The following MYO1D variants were observed in gnomAD, a reference collection of about 807,000 sequenced individuals.
MYO1D encodes the protein unconventional myosin-Id.
Under a neutral mutation model 122.0 loss-of-function variants are expected in MYO1D, and 83 were observed. The observed-to-expected ratio is 0.68, with a 90% CI of 0.57 to 0.82. The LOEUF (loss-of-function observed/expected upper bound fraction) is 0.82, where lower values mean the gene tolerates loss of function less well. Ranked by LOEUF, MYO1D falls within the 40% of genes least tolerant of loss-of-function variation. The pLI is 0.00. For synonymous variants in MYO1D, 464 were observed against 446.9 expected (o/e 1.04, Z -0.48); for missense variants, 1,157 against 1,269.5 (o/e 0.91, Z 1.35).
intron 21 of MYO1D, among the ~76,000 whole-genome samples, chr17:32,533,091 C>T (rs1910562314): frequency 6.6e-6 from 1 of 152,176 alleles, no homozygotes; most frequent in Non-Finnish European, 1.5e-5. Flanking sequence ...CTCCTCTACC[C>T]TCTTCTTCCA....
At chr17:32,807,091 AT>A (rs566468403) in intron 1 of MYO1D, among the ~76,000 whole-genome samples, 6 of 152,238 alleles carry the variant, frequency 3.9e-5, no homozygotes, top group Non-Finnish European at 8.8e-5. Context: ...TCAAACTTGA[AT>A]TTATTTTCAT....
intron 14 of MYO1D, among the ~76,000 whole-genome samples, chr17:32,730,904 CTTTTTTTT>C (rs754771399): frequency 2.5e-4 from 27 of 108,798 alleles, no homozygotes; most frequent in African/African-American, 8.0e-4. Flanking sequence ...TTCCACGTGT[CTTTTTTTT>C]TTTTTTTTTT....
At chr17:32,518,678 A>G (rs1326603966) in intron 21 of MYO1D, 2 of 152,258 alleles carry the variant, frequency 1.3e-5, no homozygotes, top group Admixed American at 1.3e-4. Flanking sequence ...AATATGAGCC[A>G]ATCTGATGTT....
intron 16 of MYO1D, among the ~76,000 whole-genome samples, chr17:32,702,822 A>G (rs1365558190): frequency 1.3e-5 from 2 of 152,234 alleles, no homozygotes; most frequent in Non-Finnish European, 2.9e-5. Context: ...TGGACCCCAC[A>G]GTTCACTGTA....
intron 1 of MYO1D, among the ~76,000 whole-genome samples, chr17:32,795,774 C>A (rs2090409459): frequency 6.6e-6 from 1 of 152,100 alleles, no homozygotes; most frequent in Admixed American, 6.5e-5. Context: ...GACAAGTACT[C>A]CTAAAGACTG....
At chr17:32,735,095 C>CAT (rs1310308763) in intron 14 of MYO1D, among the ~76,000 whole-genome samples, 1 of 149,010 alleles carries the variant, frequency 6.7e-6, no homozygotes, top group Non-Finnish European at 1.5e-5. Context: ...CACACACACA[C>CAT]ACACACACAC....
chr17:32,831,275 G>A (rs1050601586), intron 1 of MYO1D, among the ~76,000 whole-genome samples: 4 of 152,092 alleles, frequency 2.6e-5, no homozygotes, highest in Non-Finnish European at 2.9e-5. Context: ...CATGATATTC[G>A]CTTGGAGGAG....
At chr17:32,512,505 C>G (rs1329890506) in intron 21 of MYO1D, among the ~76,000 whole-genome samples, 2 of 152,184 alleles carry the variant, frequency 1.3e-5, no homozygotes, top group African/African-American at 2.4e-5. Flanking sequence ...GTGCCCAGGA[C>G]TTCTGCCTGC....
intron 21 of MYO1D, chr17:32,594,447 A>G (rs532767444): frequency 2.8e-4 from 133 of 468,206 alleles, no homozygotes; most frequent in African/African-American, 2.4e-3. Context: ...AAATAATTGA[A>G]CACTTTTGTT....
In MYO1D at chr17:32,771,147, A is replaced by AT. The variant is rs2090109096; in HGVS notation, c.691dup (p.Ile231AsnfsTer13). ...CACCTTTAATTGAGCTCCCACATGA[A>AT]TATAGTTGTAGGATGAAAGGGATTT... On this transcript the variant is annotated frameshift_variant, in exon 6 of 22. Transcript: ENST00000318217. LOFTEE classifies it high-confidence loss of function. 1 of 1,608,872 alleles carries AT rather than the reference A, an allele frequency of 6.2e-7. No homozygotes were observed. Among genetic ancestry groups the AT allele is most frequent in the Non-Finnish European group, 8.5e-7 (1 of 1,175,632 alleles).
At chr17:32,522,048 C>T (rs111426829) in intron 21 of MYO1D, among the ~76,000 whole-genome samples, 2,194 of 130,392 alleles carry the variant, frequency 0.017, 69 homozygotes, top group African/African-American at 0.061. Flanking sequence ...TGCCATTGCA[C>T]TCCAGCCTGG....
rs138110782 is a variant in MYO1D, at chr17:32,733,316, C to T, written c.1746+4937G>A. 9.1e-4 allele frequency among the ~76,000 whole-genome samples: 138 copies of T among 152,324 alleles called. 1 individual carries two copies. The Middle Eastern group carries it at 0.017, about 19-fold the overall frequency. On this transcript the variant is annotated intron_variant, in intron 14 of 21. Coordinates refer to ENST00000318217, the MANE Select transcript of MYO1D (RefSeq NM_015194.3). ...TAGTTTCCTAAGGAAAACAGTTTTA[C>T]TTGCTTTTTTCAGATGCCTGGGGCA...
chr17:32,715,308 C>G (rs2089429559), intron 15 of MYO1D, among the ~76,000 whole-genome samples: 1 of 152,208 alleles, frequency 6.6e-6, no homozygotes, highest in African/African-American at 2.4e-5. Context: ...AATCCCCTTA[C>G]TGGGTATATA....
At chr17:32,577,870 C>T (rs1157019592) in intron 21 of MYO1D, among the ~76,000 whole-genome samples, 2 of 151,968 alleles carry the variant, frequency 1.3e-5, no homozygotes, top group African/African-American at 4.8e-5. Flanking sequence ...TCCTGAGTAG[C>T]TGGGACTACA....
At chr17:32,634,973 T>A (rs927347858) in intron 20 of MYO1D, among the ~76,000 whole-genome samples, 2 of 152,062 alleles carry the variant, frequency 1.3e-5, no homozygotes, top group South Asian at 4.1e-4. Context: ...TACCCCAAAA[T>A]GAATAGTAGG....
At chr17:32,763,019 T>C (rs909209853) in intron 8 of MYO1D, among the ~76,000 whole-genome samples, 2 of 151,554 alleles carry the variant, frequency 1.3e-5, no homozygotes, top group African/African-American at 4.9e-5. Context: ...ACCCTGTCTC[T>C]ACTAAAAATA....
At chr17:32,502,377 A>G (rs1318422461) in intron 21 of MYO1D, among the ~76,000 whole-genome samples, 2 of 152,166 alleles carry the variant, frequency 1.3e-5, no homozygotes, top group African/African-American at 4.8e-5. Context: ...GGAGGCAGAA[A>G]CCAGTTAGTG....
chr17:32,806,016 T>G (rs1033716696), intron 1 of MYO1D, among the ~76,000 whole-genome samples: 2 of 152,208 alleles, frequency 1.3e-5, no homozygotes, highest in African/African-American at 4.8e-5. Context: ...CCCAGCACTT[T>G]GGGAGGCCAA....
intron 1 of MYO1D, among the ~76,000 whole-genome samples, chr17:32,866,042 G>C (rs949288513): frequency 6.6e-6 from 1 of 152,122 alleles, no homozygotes; most frequent in African/African-American, 2.4e-5. Flanking sequence ...TACAGACAAG[G>C]TATCACTATA....
Sources: gnomAD v4.1 joint callset for allele counts (sites outside exome capture counted in the v4.1 genomes callset) on GRCh38, gnomAD v4.1.1 for gene constraint, MANE v1.5 for transcripts, NCBI Gene and HGNC (gene_info 2026-07-23, HGNC 2026-07-21) for gene names.